The following PCF11 variants were observed in gnomAD, a reference collection of about 807,000 sequenced individuals.
PCF11 encodes the protein PCF11 cleavage and polyadenylation factor subunit.
Under a neutral mutation model 166.1 loss-of-function variants are expected in PCF11, and 19 were observed. The ratio of observed to expected loss-of-function variants is 0.11; its 90% CI spans 0.08 to 0.17. PCF11 has a LOEUF of 0.17. PCF11 is among the 10% of genes least tolerant of loss of function. PCF11 has a pLI of 1.00. For missense variants in PCF11, 1,565 were observed against 1,855.5 expected, an observed-to-expected ratio of 0.84 and a Z score of 2.88; for synonymous variants, 663 against 644.1, an observed-to-expected ratio of 1.03 and a Z score of -0.44.
At chr11:83,166,946 C>T (rs1360667535) in intron 5 of PCF11, among the ~76,000 whole-genome samples, 179 bp from the exon 6 acceptor site, 2 of 152,158 alleles carry the variant, frequency 1.3e-5, no homozygotes, top group African/African-American at 4.8e-5. Flanking sequence ...ATGCAAGAAT[C>T]AGAATTCATA....
At chr11:83,169,909 G>A in exon 8 of PCF11, 2 of 1,609,006 alleles carry the variant, frequency 1.2e-6, no homozygotes, top group Non-Finnish European at 8.5e-7. Context: ...CTATTTTGAT[G>A]AAAAAAATCT....
chr11:83,179,607 T>G (rs11821064), intron 11 of PCF11, among the ~76,000 whole-genome samples: 3,214 of 152,202 alleles, frequency 0.021, 89 homozygotes, highest in African/African-American at 0.072. Context: ...CTCTTAACTT[T>G]CTGAAAGTGA....
chr11:83,183,759 G>C (rs1861166063), intron 15 of PCF11, among the ~76,000 whole-genome samples: 1 of 151,792 alleles, frequency 6.6e-6, no homozygotes, highest in Non-Finnish European at 1.5e-5. Flanking sequence ...CAAAGTGCTA[G>C]GATTATAGGC....
At chr11:83,158,097 T>C (rs1860067307) in intron 1 of PCF11, 1 of 156,182 alleles carries the variant, frequency 6.4e-6, no homozygotes, top group Non-Finnish European at 1.4e-5. Context: ...GAGCTGTTGG[T>C]GGGTGGGAAT....
At chr11:83,177,770 G>C in exon 11 of PCF11, 1 of 1,543,414 alleles carries the variant, frequency 6.5e-7, no homozygotes, top group South Asian at 1.2e-5. Context: ...TCAAAATGAA[G>C]ATCAAGATGT....
chr11:83,182,029 G>A lies in PCF11; in HGVS notation c.4323+20G>A. ...GTTGAGGTGAGAGAAGAACGTTTAAGTTTTCTCACAGTGGGAGTGTCCCTC... is the reference window on the plus strand; with the variant it reads ...GTTGAGGTGAGAGAAGAACGTTTAAATTTTCTCACAGTGGGAGTGTCCCTC... On this transcript the variant is annotated intron_variant, in intron 13 of 15. Coordinates refer to ENST00000298281, the Ensembl canonical transcript of PCF11. 1.9e-6 allele frequency: 3 copies of A among 1,584,230 alleles called. No homozygotes were observed. Among genetic ancestry groups the A allele is most frequent in the African/African-American group, 2.7e-5 (2 of 73,138 alleles).
At chr11:83,177,737 C>T in exon 11 of PCF11, 2 of 1,539,188 alleles carry the variant, frequency 1.3e-6, no homozygotes, top group Non-Finnish European at 1.8e-6. Flanking sequence ...AACTGCTCAG[C>T]CTCCCCCTGA....
exon 1 of PCF11, chr11:83,157,199 G>T: frequency 1.7e-6 from 1 of 582,188 alleles, no homozygotes; most frequent in South Asian, 2.2e-5. Flanking sequence ...GCCATTTTGT[G>T]TCTGTGGAGA....
rs551098952 is a variant in PCF11 at position 83,161,743 on chromosome 11, A to G, written c.318+291A>G. On this transcript the variant is annotated intron_variant, in intron 2 of 15. Coordinates refer to ENST00000298281, the Ensembl canonical transcript of PCF11. ...CATTTGAACATCTGTTTCATCACTT[A>G]CAAACCAGGCAAAAAGATCTGAAAT... Among the ~76,000 whole-genome samples, 3 of 152,344 alleles carry G rather than the reference A, an allele frequency of 2.0e-5. No individual in the cohort carries two copies. The East Asian group carries it at 5.8e-4, about 29-fold the overall frequency.
chr11:83,160,374 C>T (rs577826900), intron 1 of PCF11, among the ~76,000 whole-genome samples: 2 of 118,760 alleles, frequency 1.7e-5, no homozygotes, highest in Non-Finnish European at 3.2e-5. Context: ...ATCATGGGTG[C>T]TCCTTTGGAG....
exon 8 of PCF11, chr11:83,168,849 T>G: frequency 3.7e-6 from 6 of 1,613,496 alleles, no homozygotes; most frequent in Non-Finnish European, 4.2e-6. Context: ...AGGGCCCAAT[T>G]GGTCAAGCAG....
intron 1 of PCF11, chr11:83,158,696 T>C (rs1383621481): frequency 1.3e-5 from 2 of 152,234 alleles, no homozygotes; most frequent in African/African-American, 4.8e-5. Context: ...ATTGCAATTA[T>C]CAGGATGAGC....
At chr11:83,184,864 A>C (rs1861222909) in exon 16 of PCF11, 1 of 1,572,176 alleles carries the variant, frequency 6.4e-7, no homozygotes, top group Admixed American at 2.2e-5. Flanking sequence ...CTGAAATTAA[A>C]ACAGAAAATG....
At chr11:83,177,279 A>T (rs1378149006) in intron 10 of PCF11, 75 bp downstream of exon 10, 76 of 1,104,116 alleles carry the variant, frequency 6.9e-5, no homozygotes, top group Non-Finnish European at 9.2e-5. Context: ...ATATAATGAT[A>T]TAAGTTATGA....
intron 5 of PCF11, 28 bp downstream of exon 5, chr11:83,166,742 G>A (rs758397273): frequency 2.6e-6 from 4 of 1,534,844 alleles, no homozygotes; most frequent in Non-Finnish European, 2.6e-6. Context: ...TAAGTCAAGT[G>A]TAGTAGTGTA....
exon 16 of PCF11, chr11:83,186,005 A>G (rs1441112514): frequency 1.3e-5 from 2 of 152,246 alleles, no homozygotes; most frequent in Non-Finnish European, 2.9e-5. Context: ...CACTTTCTAC[A>G]TGTATTTTCT....
chr11:83,175,125 C>T (rs1480969302), intron 9 of PCF11, among the ~76,000 whole-genome samples: 2 of 152,088 alleles, frequency 1.3e-5, no homozygotes, highest in Non-Finnish European at 2.9e-5. Context: ...CATACAAATA[C>T]ATTAAAATAT....
intron 8 of PCF11, among the ~76,000 whole-genome samples, chr11:83,170,711 C>T (rs942442506): frequency 1.3e-5 from 2 of 152,228 alleles, no homozygotes; most frequent in Non-Finnish European, 2.9e-5. Context: ...CTTTTGCTTG[C>T]GTGCTGAAAT....
At chr11:83,171,230 A>G (rs1247528064) in intron 8 of PCF11, 5 of 431,496 alleles carry the variant, frequency 1.2e-5, no homozygotes, top group Non-Finnish European at 2.3e-5. Flanking sequence ...ACCTTTTACA[A>G]GATTACTTTG....
Sources: gnomAD v4.1 joint callset for allele counts (sites outside exome capture counted in the v4.1 genomes callset) on GRCh38, gnomAD v4.1.1 for gene constraint, MANE v1.5 for transcripts, NCBI Gene and HGNC (gene_info 2026-07-23, HGNC 2026-07-21) for gene names.